TCF20: variants seen among roughly 807,000 people sequenced by gnomAD.
TCF20 encodes the protein SPRE-binding protein.
Under a neutral mutation model 148.6 loss-of-function variants are expected in TCF20, and 3 were observed. The observed-to-expected ratio is 0.02, with a 90% CI of 0.01 to 0.05. The LOEUF is 0.05. TCF20 is among the 10% of genes least tolerant of loss of function. The pLI is 1.00. For missense variants in TCF20, 2,350 were observed against 2,429.3 expected (o/e 0.97, Z 0.69); for synonymous variants, 1,049 against 909.5 (o/e 1.15, Z -2.76).
intron 1 of TCF20, among the ~76,000 whole-genome samples, chr22:42,269,498 G>A (rs1241540305): frequency 1.3e-5 from 2 of 152,130 alleles, no homozygotes; most frequent in Non-Finnish European, 2.9e-5. Flanking sequence ...CTCCCATTCC[G>A]GCGTCCAGAG....
intron 4 of TCF20, 135 bp downstream of exon 4, chr22:42,169,712 G>A: frequency 1.2e-6 from 1 of 834,690 alleles, no homozygotes; most frequent in Non-Finnish European, 1.9e-6. Context: ...CCCAGGGCCA[G>A]GAGGGGACTA....
intron 2 of TCF20, among the ~76,000 whole-genome samples, chr22:42,208,693 G>C (rs1569141074): frequency 6.6e-6 from 1 of 152,040 alleles, no homozygotes; most frequent in Admixed American, 6.6e-5. Context: ...AAGATAATGA[G>C]ATAAAACATA....
chr22:42,305,432 A>G (rs1280254399), intron 1 of TCF20, among the ~76,000 whole-genome samples: 1 of 151,924 alleles, frequency 6.6e-6, no homozygotes, highest in Non-Finnish European at 1.5e-5. Context: ...TTGCCACTCC[A>G]TGGGTCTCTC....
Position 42,224,133 on chromosome 22 carries a change from GACC to G in TCF20, c.-36-8795_-36-8793del, listed in dbSNP as rs1922629671. Among the ~76,000 whole-genome samples, 5 of 152,090 alleles carry G rather than the reference GACC, an allele frequency of 3.3e-5. No homozygotes were observed. The South Asian group carries it at 1.0e-3, about 32-fold the overall frequency. On this transcript the variant is annotated intron_variant, in intron 1 of 5. Coordinates refer to ENST00000677622, the MANE Select transcript of TCF20 (RefSeq NM_001378418.1). ...ATAAAAAATATCCACCTTGAATCAT[GACC>G]AAATACATGCAGGCAAAAACTAGGG...
At chr22:42,295,439 TTTC>T (rs957677399) in intron 1 of TCF20, among the ~76,000 whole-genome samples, 16 of 150,722 alleles carry the variant, frequency 1.1e-4, no homozygotes, top group Non-Finnish European at 1.8e-4. Context: ...TATGTTTTCT[TTTC>T]TTTTTTTTTT....
chr22:42,289,398 T>C (rs1927092717), intron 1 of TCF20, among the ~76,000 whole-genome samples: 1 of 152,112 alleles, frequency 6.6e-6, no homozygotes, highest in South Asian at 2.1e-4. Flanking sequence ...GAACTCAGGT[T>C]CTTAGTAGAA....
Position 42,260,932 on chromosome 22 carries a change from T to C in TCF20, c.-37+9407A>G, listed in dbSNP as rs537891276. 3.9e-5 allele frequency among the ~76,000 whole-genome samples: 6 copies of C among 152,364 alleles called. No homozygotes were observed. In the South Asian group the frequency reaches 8.3e-4, roughly 21 times the overall value. ...TTACAGTCAAATCACATACAGCATATGATTTAATCAGTTTTGATGAATGCC... is the reference window on the plus strand; with the variant it reads ...TTACAGTCAAATCACATACAGCATACGATTTAATCAGTTTTGATGAATGCC... On this transcript the variant is annotated intron_variant, in intron 1 of 5. Transcript: ENST00000677622.
At chr22:42,342,644 G>A (rs534491529) in intron 1 of TCF20, among the ~76,000 whole-genome samples, 12 of 152,334 alleles carry the variant, frequency 7.9e-5, no homozygotes, top group African/African-American at 2.6e-4. Flanking sequence ...GCTGGACAGA[G>A]CCCTCGGGTC....
chr22:42,168,566 G>A, intron 5 of TCF20, 43 bp downstream of exon 5: 2 of 1,537,794 alleles, frequency 1.3e-6, no homozygotes, highest in Non-Finnish European at 1.7e-6. Context: ...GACGCCTGCT[G>A]GGAGCCGGGC....
chr22:42,262,779 A>T (rs1441833266), intron 1 of TCF20, among the ~76,000 whole-genome samples: 1 of 151,896 alleles, frequency 6.6e-6, no homozygotes, highest in African/African-American at 2.4e-5. Flanking sequence ...CCCTCCAGTG[A>T]CCTCTCAAGT....
chr22:42,213,055 T>C lies in TCF20; in HGVS notation c.2251A>G (p.Ser751Gly). ...ERKGRNEKFP[S>G]LLQEVLQGYH... ...CCCTGAAGCACTTCCTGCAGGAGGC[T>C]TGGGAATTTTTCATTTCTACCCTTT... is the stretch of plus-strand genomic sequence containing the variant. The change falls in exon 2 of 6, where the codon AGC becomes GGC. Residue 751 changes from serine to glycine, a missense_variant. Ser to Gly is a moderately conservative substitution (Grantham distance 56). This residue lies in a region of TCF20 where 1,641 missense variants were observed against 1,662.6 expected (regional missense o/e 0.99). Coordinates refer to ENST00000677622, the MANE Select transcript of TCF20 (RefSeq NM_001378418.1). The C allele has an allele frequency of 6.2e-7, 1 of 1,614,124 alleles. No individual in the cohort carries two copies. The highest frequency in any genetic ancestry group is 8.5e-7 in the Non-Finnish European group (1 of 1,180,004).
chr22:42,196,060 A>C (rs1451608138), intron 2 of TCF20, among the ~76,000 whole-genome samples: 1 of 152,214 alleles, frequency 6.6e-6, no homozygotes, highest in Non-Finnish European at 1.5e-5. Context: ...GGGCATTTGC[A>C]TAAGTGCTGG....
chr22:42,208,094 C>T (rs1400429355), intron 2 of TCF20, among the ~76,000 whole-genome samples: 1 of 152,104 alleles, frequency 6.6e-6, no homozygotes, highest in Non-Finnish European at 1.5e-5. Context: ...GGGAGGATCC[C>T]TTGAGCCCAG....
At chr22:42,226,380 A>C (rs550319934) in intron 1 of TCF20, among the ~76,000 whole-genome samples, 1 of 152,324 alleles carries the variant, frequency 6.6e-6, no homozygotes, top group South Asian at 2.1e-4. Context: ...TATAGGCTAA[A>C]AGGATGTTCC....
chr22:42,212,666 T>G lies in TCF20; in HGVS notation c.2640A>C (p.Pro880=). The change falls in exon 2 of 6, where the codon CCA becomes CCC. Residue 880 remains proline (P), a synonymous_variant. Coordinates refer to ENST00000677622, the MANE Select transcript of TCF20 (RefSeq NM_001378418.1). ...ISPLRQIVRD[P]GAHSLGHMSA... Reference sequence around the variant, plus strand: ...TCATGTGTCCCAGTGAGTGAGCCCCTGGGTCCCTGACAATCTGTCTTAGTG... The same window carrying G: ...TCATGTGTCCCAGTGAGTGAGCCCCGGGGTCCCTGACAATCTGTCTTAGTG... The G allele has an allele frequency of 1.2e-6, 2 of 1,614,206 alleles. No individual in the cohort carries two copies. The highest frequency in any genetic ancestry group is 8.5e-7 in the Non-Finnish European group (1 of 1,180,016).
intron 4 of TCF20, 64 bp downstream of exon 4, chr22:42,169,783 G>A (rs1280858332): frequency 2.2e-5 from 35 of 1,571,206 alleles, no homozygotes; most frequent in Non-Finnish European, 3.0e-5. Flanking sequence ...TGGTCTTCAG[G>A]TCTTTCAGGA....
chr22:42,312,578 C>A (rs1001061549), intron 1 of TCF20, among the ~76,000 whole-genome samples: 1 of 152,142 alleles, frequency 6.6e-6, no homozygotes, highest in Admixed American at 6.5e-5. Flanking sequence ...GGTGATGACC[C>A]ACGTTCAGAG....
intron 2 of TCF20, among the ~76,000 whole-genome samples, chr22:42,202,731 T>C (rs187580447): frequency 6.6e-6 from 1 of 152,322 alleles, no homozygotes; most frequent in African/African-American, 2.4e-5. Flanking sequence ...CAGTATTGGA[T>C]GAAGCAAGCC....
At chr22:42,298,477 C>T (rs1195782052) in intron 1 of TCF20, among the ~76,000 whole-genome samples, 1 of 152,216 alleles carries the variant, frequency 6.6e-6, no homozygotes, top group Non-Finnish European at 1.5e-5. Flanking sequence ...GGTGGTGACT[C>T]CAGGGCCGAA....
Sources: gnomAD v4.1 joint callset for allele counts (sites outside exome capture counted in the v4.1 genomes callset) on GRCh38, gnomAD v4.1.1 for gene constraint, gnomAD v4.1.1 regional missense constraint, MANE v1.5 for transcripts, NCBI Gene and HGNC (gene_info 2026-07-23, HGNC 2026-07-21) for gene names.